SH3RF1: variants seen among roughly 807,000 people sequenced by gnomAD.
SH3RF1 encodes SH3 domain containing ring finger 1, also known as E3 ubiquitin-protein ligase SH3RF1.
SH3RF1 carries 32 observed loss-of-function variants against 74.0 expected under a neutral mutation model. That is an observed-to-expected ratio of 0.43 (90% confidence interval 0.33 to 0.58). SH3RF1 has a LOEUF of 0.58. Ranked by LOEUF, SH3RF1 falls within the 20% of genes least tolerant of loss-of-function variation. The pLI is 0.05. For synonymous variants in SH3RF1, 396 were observed against 439.6 expected, an observed-to-expected ratio of 0.90 and a Z score of 1.24; for missense variants, 954 against 1,130.9, an observed-to-expected ratio of 0.84 and a Z score of 2.24.
At chr4:169,166,701 C>A in intron 2 of SH3RF1, 1 of 210,522 alleles carries the variant, frequency 4.8e-6, no homozygotes, top group Non-Finnish European at 9.7e-6. Context: ...CAGCATCACC[C>A]CAGGGACCAT....
At chr4:169,248,538 G>A (rs1396917151) in intron 2 of SH3RF1, among the ~76,000 whole-genome samples, 4 of 152,090 alleles carry the variant, frequency 2.6e-5, no homozygotes, top group Admixed American at 1.3e-4. Flanking sequence ...CCTAATGCAC[G>A]CCAGGCTTAA....
chr4:169,131,444 T>C (rs1326680404), intron 5 of SH3RF1, among the ~76,000 whole-genome samples: 1 of 152,220 alleles, frequency 6.6e-6, no homozygotes, highest in African/African-American at 2.4e-5. Flanking sequence ...AGTCTCACTA[T>C]GTTGAGCAGG....
intron 10 of SH3RF1, among the ~76,000 whole-genome samples, chr4:169,114,550 T>C (rs1733300572): frequency 6.6e-6 from 1 of 152,202 alleles, no homozygotes; most frequent in Non-Finnish European, 1.5e-5. Flanking sequence ...TTTCAAGCCT[T>C]AGAGATTTAG....
Position 169,269,069 on chromosome 4 carries a change from T to C in SH3RF1, c.144A>G (p.Arg48=). 6.2e-7 allele frequency: 1 copy of C among 1,614,170 alleles called. No homozygotes were observed. The highest frequency in any genetic ancestry group is 8.5e-7 in the Non-Finnish European group (1 of 1,180,024). Residue 48 remains arginine, a synonymous_variant, in exon 2 of 12, where the codon AGA becomes AGG. Coordinates refer to ENST00000284637, the MANE Select transcript of SH3RF1 (RefSeq NM_020870.4). ...LGIVGSRNEL[R]CPECRTLVGS... is the part of the protein sequence containing the mutation. Reference sequence around the variant, plus strand: ...CAACAAGAGTCCTGCACTCGGGACATCTGAGTTCATTTCGAGAACCTACGA... The same window carrying C: ...CAACAAGAGTCCTGCACTCGGGACACCTGAGTTCATTTCGAGAACCTACGA...
At chr4:169,214,160 A>G (rs563174924) in intron 2 of SH3RF1, among the ~76,000 whole-genome samples, 1 of 152,286 alleles carries the variant, frequency 6.6e-6, no homozygotes, top group East Asian at 1.9e-4. Flanking sequence ...TCTTATGAGT[A>G]GCTTGGTACT....
intron 2 of SH3RF1, among the ~76,000 whole-genome samples, chr4:169,218,536 C>T (rs1177203327): frequency 6.7e-6 from 1 of 148,750 alleles, no homozygotes; most frequent in African/African-American, 2.5e-5. Flanking sequence ...AAAACACTGG[C>T]CTGGTGCAAA....
At chr4:169,223,520 A>C (rs1443301623) in intron 2 of SH3RF1, among the ~76,000 whole-genome samples, 1 of 152,182 alleles carries the variant, frequency 6.6e-6, no homozygotes, top group East Asian at 1.9e-4. Context: ...TCATTCAGAC[A>C]ACGAATGTTT....
intron 2 of SH3RF1, among the ~76,000 whole-genome samples, chr4:169,173,993 C>CCG (rs982069838): frequency 9.5e-6 from 1 of 105,070 alleles, no homozygotes; most frequent in Non-Finnish European, 2.1e-5. Flanking sequence ...ATTGTAATTT[C>CCG]CTGAGTTATA....
intron 2 of SH3RF1, among the ~76,000 whole-genome samples, chr4:169,191,492 G>A (rs1734708494): frequency 6.6e-6 from 1 of 151,970 alleles, no homozygotes; most frequent in Non-Finnish European, 1.5e-5. Flanking sequence ...CAAATTCAAT[G>A]CAATCCCCAT....
intron 11 of SH3RF1, among the ~76,000 whole-genome samples, chr4:169,099,163 G>C (rs1391016806): frequency 1.3e-5 from 2 of 152,248 alleles, no homozygotes; most frequent in Non-Finnish European, 1.5e-5. Context: ...TGCAATCACA[G>C]CTCACTGTAG....
chr4:169,144,481 G>A (rs925229013), intron 4 of SH3RF1, among the ~76,000 whole-genome samples: 2 of 152,126 alleles, frequency 1.3e-5, no homozygotes, highest in Non-Finnish European at 2.9e-5. Context: ...TGTTTTTTGA[G>A]TGACTGTTAA....
intron 2 of SH3RF1, among the ~76,000 whole-genome samples, chr4:169,234,750 A>G (rs1189072344): frequency 1.3e-5 from 2 of 152,198 alleles, no homozygotes; most frequent in Non-Finnish European, 2.9e-5. Context: ...GATCTTTTCT[A>G]CTAAAAACAA....
At chr4:169,235,466 C>T (rs1730811381) in intron 2 of SH3RF1, among the ~76,000 whole-genome samples, 1 of 152,096 alleles carries the variant, frequency 6.6e-6, no homozygotes, top group Non-Finnish European at 1.5e-5. Context: ...ATTATTATTT[C>T]CATTTAAATA....
chr4:169,174,790 G>A (rs544023831), intron 2 of SH3RF1, among the ~76,000 whole-genome samples: 3 of 152,004 alleles, frequency 2.0e-5, no homozygotes, highest in Admixed American at 2.0e-4. Context: ...TCTGGGGCTG[G>A]GTCAGAAGCA....
At chr4:169,247,057 A>G (rs184798622) in intron 2 of SH3RF1, among the ~76,000 whole-genome samples, 4 of 152,380 alleles carry the variant, frequency 2.6e-5, no homozygotes, top group African/African-American at 9.6e-5. Flanking sequence ...AAAGCAGTTA[A>G]GGCATTAAAA....
In SH3RF1 at chr4:169,117,781, C is replaced by T. The variant is rs138067009; in HGVS notation, c.1519G>A (p.Ala507Thr). The T allele has an allele frequency of 3.2e-5, 51 of 1,607,286 alleles. No individual in the cohort carries two copies. The African/African-American group carries it at 6.3e-4, about 20-fold the overall frequency. The change falls in exon 9 of 12, where the codon GCG (alanine) becomes ACG (threonine). Residue 507 changes from alanine to threonine, a missense_variant and splice_region_variant. Physicochemically the swap from Ala to Thr is moderately conservative, Grantham distance 58. Around this residue, in one of 3 missense-constraint regions of SH3RF1, gnomAD observed 854 missense variants for 962.5 expected, o/e 0.89. Coordinates refer to ENST00000284637, the MANE Select transcript of SH3RF1 (RefSeq NM_020870.4). Reference protein sequence around the residue: ...PGNYVAPVTRAVTNASQAKVP... With the variant: ...PGNYVAPVTRTVTNASQAKVP... ...TTAGCTTGGGAAGCATTTGTCACCG[C>T]CCTGCCAAGACACAAACATAGATGG...
At chr4:169,208,196 T>G (rs529921361) in intron 2 of SH3RF1, among the ~76,000 whole-genome samples, 3 of 150,720 alleles carry the variant, frequency 2.0e-5, no homozygotes, top group South Asian at 4.2e-4. Flanking sequence ...TCACTAACCC[T>G]CCTTCATCCC....
At chr4:169,184,803 A>AT (rs1421064031) in intron 2 of SH3RF1, among the ~76,000 whole-genome samples, 1 of 152,218 alleles carries the variant, frequency 6.6e-6, no homozygotes, top group African/African-American at 2.4e-5. Context: ...AATCTAAATC[A>AT]TATCTTGATT....
chr4:169,226,019 T>A (rs1267281499), intron 2 of SH3RF1, among the ~76,000 whole-genome samples: 1 of 152,156 alleles, frequency 6.6e-6, no homozygotes, highest in African/African-American at 2.4e-5. Flanking sequence ...TGAATAAAGC[T>A]ATTATATATA....
Sources: gnomAD v4.1 joint callset for allele counts (sites outside exome capture counted in the v4.1 genomes callset) on GRCh38, gnomAD v4.1.1 for gene constraint, gnomAD v4.1.1 regional missense constraint, MANE v1.5 for transcripts, NCBI Gene and HGNC (gene_info 2026-07-23, HGNC 2026-07-21) for gene names.